The following DCAF17 variants were observed in gnomAD, a reference collection of about 807,000 sequenced individuals.
DCAF17 encodes DDB1- and CUL4-associated factor 17.
Under a neutral mutation model 66.0 loss-of-function variants are expected in DCAF17, and 48 were observed. That is an observed-to-expected ratio of 0.73 (90% CI 0.58 to 0.92). The LOEUF (loss-of-function observed/expected upper bound fraction) is 0.92. Among genes scored for constraint, DCAF17 ranks in the 40% least tolerant of loss-of-function variants. The probability of loss-of-function intolerance (pLI) is 0.00; values close to 1 mark genes in which losing one functional copy is unlikely to be tolerated. For synonymous variants in DCAF17, 206 were observed against 214.6 expected, an observed-to-expected ratio of 0.96 and a Z score of 0.35; for missense variants, 562 against 622.8, an observed-to-expected ratio of 0.90 and a Z score of 1.04.
Position 171,434,521 on chromosome 2 carries a change from G to C in DCAF17, c.-57G>C. On this transcript the variant is annotated 5_prime_UTR_variant, in exon 1 of 14. Coordinates refer to ENST00000375255, the MANE Select transcript of DCAF17 (RefSeq NM_025000.4). The stretch of plus-strand genomic sequence containing the variant: ...AGGCAGCGGCGGCTGCCCAGCACGG[G>C]AGTGTGGGGCGCGCCACTCGGCGGC... 6.6e-7 allele frequency: 1 copy of C among 1,523,380 alleles called. No homozygotes were observed. Among genetic ancestry groups the C allele is most frequent in the Non-Finnish European group, 8.8e-7 (1 of 1,140,188 alleles). The allele number at this position is 1,523,380 out of a possible 1,614,324, so 94.4% of individuals were successfully genotyped here.
At position 171,480,157 on chromosome 2, in the gene DCAF17, A is replaced by G; in HGVS notation, c.1386A>G (p.Leu462=). 1 of 1,613,696 alleles carries G rather than the reference A, an allele frequency of 6.2e-7. No homozygotes were observed. Among genetic ancestry groups the G allele is most frequent in the Admixed American group, 1.7e-5 (1 of 59,968 alleles). The change falls in exon 13 of 14, where the codon TTA becomes TTG. Residue 462 remains leucine (L), a synonymous_variant. Transcript: ENST00000375255. The part of the protein sequence containing the change: ...LDFHCNEYGT[L]LKSIPLVESW... ...TCCACTGTAATGAATATGGAACTTTACTTAAAAGCATTCCACTAGTGGAGT... is the reference window on the plus strand; with the variant it reads ...TCCACTGTAATGAATATGGAACTTTGCTTAAAAGCATTCCACTAGTGGAGT...
intron 3 of DCAF17, among the ~76,000 whole-genome samples, chr2:171,448,174 C>T (rs1191672997): frequency 6.6e-6 from 1 of 152,092 alleles, no homozygotes; most frequent in Non-Finnish European, 1.5e-5. Flanking sequence ...CTCTGTCACC[C>T]AGGCTGGAGT....
At chr2:171,462,351 T>C (rs1458688600) in intron 8 of DCAF17, among the ~76,000 whole-genome samples, 3 of 152,140 alleles carry the variant, frequency 2.0e-5, no homozygotes, top group Non-Finnish European at 2.9e-5. Context: ...CCTTAATATG[T>C]GAAGGGTTCT....
chr2:171,475,056 A>G (rs1355752848), intron 10 of DCAF17, among the ~76,000 whole-genome samples: 1 of 152,218 alleles, frequency 6.6e-6, no homozygotes, highest in African/African-American at 2.4e-5. Flanking sequence ...ATAAAAACCA[A>G]TATAGTTAGC....
In DCAF17 at chr2:171,482,655, A is replaced by G. The variant is rs1322400776; in HGVS notation, c.*1541A>G. Reference sequence around the variant, plus strand: ...TCAGAATAGGATGTCTTAAGACTTCAGTCATGTCAGAGATTTTTTTTTTTA... The same window carrying G: ...TCAGAATAGGATGTCTTAAGACTTCGGTCATGTCAGAGATTTTTTTTTTTA... On this transcript the variant is annotated 3_prime_UTR_variant, in exon 14 of 14. Coordinates refer to ENST00000375255, the MANE Select transcript of DCAF17 (RefSeq NM_025000.4). 4.4e-6 allele frequency: 2 copies of G among 453,856 alleles called. No individual in the cohort carries two copies. The highest frequency in any genetic ancestry group is 8.8e-6 in the Non-Finnish European group (2 of 226,766). The allele number at this position is 453,856 out of a possible 1,614,324, so 28.1% of individuals were successfully genotyped here.
chr2:171,436,834 G>T (rs914812754), intron 2 of DCAF17, among the ~76,000 whole-genome samples: 1 of 150,916 alleles, frequency 6.6e-6, no homozygotes, highest in African/African-American at 2.4e-5. Context: ...GAGTGCAATG[G>T]CGTGATCTCG....
At chr2:171,468,561 G>T (rs974458092) in intron 8 of DCAF17, among the ~76,000 whole-genome samples, 1 of 152,064 alleles carries the variant, frequency 6.6e-6, no homozygotes, top group Non-Finnish European at 1.5e-5. Flanking sequence ...ATAAATGTCC[G>T]CTACTTTTAT....
At chr2:171,450,054 A>G in intron 5 of DCAF17, 97 bp downstream of exon 5, 1 of 1,075,612 alleles carries the variant, frequency 9.3e-7, no homozygotes, top group South Asian at 1.3e-5. Context: ...TTTATTTCTG[A>G]AGCATGCTGT....
At chr2:171,467,184 A>T (rs889882940) in intron 8 of DCAF17, among the ~76,000 whole-genome samples, 1 of 152,060 alleles carries the variant, frequency 6.6e-6, no homozygotes, top group African/African-American at 2.4e-5. Flanking sequence ...ATTTTTTTCA[A>T]TAAATACAGG....
At chr2:171,466,161 G>A (rs1470412599) in intron 8 of DCAF17, among the ~76,000 whole-genome samples, 2 of 151,862 alleles carry the variant, frequency 1.3e-5, no homozygotes, top group African/African-American at 4.8e-5. Flanking sequence ...ACCACACCTG[G>A]GCAAATTTTC....
rs1452459374 is a variant in DCAF17 at position 171,448,728 on chromosome 2, A to G, written c.369A>G (p.Ala123=). The change falls in exon 4 of 14, where the codon GCA becomes GCG. Residue 123 remains alanine, a synonymous_variant. Transcript: ENST00000375255. ...CAGATTATAAGTCCTCACTCATAGC[A>G]CTGACTGCTCATAATTGGCTACTTC... ...NSSDYKSSLI[A]LTAHNWLLRI... 6.2e-7 allele frequency: 1 copy of G among 1,613,096 alleles called. No individual in the cohort carries two copies. The highest frequency in any genetic ancestry group is 8.5e-7 in the Non-Finnish European group (1 of 1,179,534).
intron 3 of DCAF17, among the ~76,000 whole-genome samples, chr2:171,444,242 T>A (rs539060650): frequency 6.6e-6 from 1 of 152,218 alleles, no homozygotes; most frequent in South Asian, 2.1e-4. Context: ...TACTAATAGG[T>A]ATGATGATTA....
chr2:171,441,335 C>T (rs989664299), intron 2 of DCAF17, among the ~76,000 whole-genome samples: 1 of 152,180 alleles, frequency 6.6e-6, no homozygotes, highest in African/African-American at 2.4e-5. Context: ...CTAGAAGCTG[C>T]GCACTTGGAG....
At chr2:171,461,912 C>T (rs1248519559) in intron 8 of DCAF17, among the ~76,000 whole-genome samples, 2 of 152,056 alleles carry the variant, frequency 1.3e-5, no homozygotes, top group Non-Finnish European at 2.9e-5. Context: ...AATCACATGG[C>T]ATGTATTTTT....
rs965516202 is a variant in DCAF17 at position 171,484,403 on chromosome 2, A to T, written c.*3289A>T. 7.7e-6 allele frequency: 3 copies of T among 391,730 alleles called. No homozygotes were observed. Among genetic ancestry groups the T allele is most frequent in the Non-Finnish European group, 9.9e-6 (2 of 202,858 alleles). 24.3% of individuals were successfully genotyped at this position (391,730 alleles called of 1,614,324 possible). On this transcript the variant is annotated 3_prime_UTR_variant, in exon 14 of 14. Coordinates refer to ENST00000375255, the MANE Select transcript of DCAF17 (RefSeq NM_025000.4). Reference sequence around the variant, plus strand: ...ATGTTCAAACATACAGTAAAATTGAAAGAATTTTATAGTAAATACTGACCA... The same window carrying T: ...ATGTTCAAACATACAGTAAAATTGATAGAATTTTATAGTAAATACTGACCA...
intron 2 of DCAF17, among the ~76,000 whole-genome samples, chr2:171,442,742 T>C (rs2105735145): frequency 6.6e-6 from 1 of 151,454 alleles, no homozygotes; most frequent in East Asian, 1.9e-4. Flanking sequence ...TAGCTAAGCG[T>C]AGTAGCATGA....
chr2:171,455,551 A>G (rs1369700772), intron 6 of DCAF17, among the ~76,000 whole-genome samples: 1 of 152,222 alleles, frequency 6.6e-6, no homozygotes, highest in Non-Finnish European at 1.5e-5. Flanking sequence ...GCAGGGTTAA[A>G]TGGTATTTCT....
intron 3 of DCAF17, among the ~76,000 whole-genome samples, chr2:171,445,257 T>C (rs1207754702): frequency 1.3e-5 from 2 of 152,024 alleles, no homozygotes; most frequent in African/African-American, 4.8e-5. Flanking sequence ...CCCAAGTAGC[T>C]GGGACTACAG....
chr2:171,477,977 C>A lies in DCAF17; in HGVS notation c.1183-10C>A. On this transcript the variant is annotated splice_polypyrimidine_tract_variant and intron_variant, in intron 11 of 13. Coordinates refer to ENST00000375255, the MANE Select transcript of DCAF17 (RefSeq NM_025000.4). ...CTTGTCATATCTTTTTATTTCTTTC[C>A]ATATGATAGAATGAAAATGTACTCA... The A allele has an allele frequency of 6.2e-7, 1 of 1,606,646 alleles. No individual in the cohort carries two copies. Among genetic ancestry groups the A allele is most frequent in the Non-Finnish European group, 8.5e-7 (1 of 1,173,394 alleles).
Sources: gnomAD v4.1 joint callset for allele counts (sites outside exome capture counted in the v4.1 genomes callset) on GRCh38, gnomAD v4.1.1 for gene constraint, MANE v1.5 for transcripts, NCBI Gene and HGNC (gene_info 2026-07-23, HGNC 2026-07-21) for gene names.